OSBPL9: variants seen among roughly 807,000 people sequenced by gnomAD.
The protein encoded by OSBPL9 is oxysterol binding protein like 9.
In OSBPL9, 40 loss-of-function variants were observed where a neutral mutation model predicts 106.6. The ratio of observed to expected loss-of-function variants is 0.38; its 90% CI spans 0.29 to 0.49. OSBPL9 has a LOEUF of 0.49. Ranked by LOEUF, OSBPL9 falls within the 20% of genes least tolerant of loss-of-function variation. The pLI is 0.97. For synonymous variants in OSBPL9, 269 were observed against 295.4 expected (o/e 0.91, Z 0.92); for missense variants, 609 against 887.2 (o/e 0.69, Z 3.98).
the OSBPL9 span, among the ~76,000 whole-genome samples, chr1:51,558,165 A>C: frequency 3.9e-5 from 6 of 152,072 alleles, no homozygotes; most frequent in East Asian, 1.2e-3. Flanking sequence ...CTGTAGTCCC[A>C]ACTACTTGGG....
chr1:51,777,945 G>T (rs541180020), intron 15 of OSBPL9, among the ~76,000 whole-genome samples: 1 of 152,172 alleles, frequency 6.6e-6, no homozygotes, highest in East Asian at 1.9e-4. Context: ...TTGAAGCCAG[G>T]AGTTTGAGAC....
At chr1:51,774,166 C>T (rs889339869) in intron 14 of OSBPL9, among the ~76,000 whole-genome samples, 4 of 152,098 alleles carry the variant, frequency 2.6e-5, no homozygotes, top group Non-Finnish European at 5.9e-5. Flanking sequence ...CACAGCTGAA[C>T]CTGAACTGAA....
chr1:51,557,232 G>A, the OSBPL9 span, among the ~76,000 whole-genome samples: 1 of 152,176 alleles, frequency 6.6e-6, no homozygotes, highest in African/African-American at 2.4e-5. Flanking sequence ...TTGCCTCCAA[G>A]AGAAAGACAA....
intron 3 of OSBPL9, among the ~76,000 whole-genome samples, chr1:51,684,773 A>G (rs1439868123): frequency 1.3e-5 from 2 of 152,188 alleles, no homozygotes; most frequent in Non-Finnish European, 2.9e-5. Context: ...ACCTCAAATG[A>G]TCTGCCCACC....
At chr1:51,711,520 C>T (rs1280358574) in intron 3 of OSBPL9, among the ~76,000 whole-genome samples, 1 of 134,738 alleles carries the variant, frequency 7.4e-6, no homozygotes, top group Non-Finnish European at 1.6e-5. Context: ...GGCTGACCCC[C>T]CACCTCCCTC....
chr1:51,519,220 C>A, the OSBPL9 span: 4 of 1,391,352 alleles, frequency 2.9e-6, no homozygotes, highest in South Asian at 1.7e-5. Context: ...AGAGCTGGGC[C>A]GCCGCAGCCA....
At chr1:51,619,563 A>C (rs774990536) in intron 1 of OSBPL9, among the ~76,000 whole-genome samples, 30 of 152,034 alleles carry the variant, frequency 2.0e-4, no homozygotes, top group Non-Finnish European at 3.5e-4. Flanking sequence ...GCTGTTTAGA[A>C]GATTTTTTTT....
intron 4 of OSBPL9, among the ~76,000 whole-genome samples, chr1:51,714,301 G>A (rs970829307): frequency 1.3e-5 from 2 of 152,150 alleles, no homozygotes; most frequent in Non-Finnish European, 2.9e-5. Flanking sequence ...AAACAAGACA[G>A]TGCAAGACAA....
At position 51,787,789 on chromosome 1, in the gene OSBPL9, G is replaced by T. The variant is rs1678076689; in HGVS notation, c.2211G>T (p.Ter737TyrextTer9). Reference sequence around the variant, plus strand: ...AACGTCTTGGTGCTGCCAAGCATTAGGTTGGAAGATGCAAAGTTTATACCT... The same window carrying T: ...AACGTCTTGGTGCTGCCAAGCATTATGTTGGAAGATGCAAAGTTTATACCT... ...LLKRLGAAKH* is the reference protein window; with the variant it reads ...LLKRLGAAKHY Residue 737 changes from the stop codon to tyrosine (Y), a stop_lost, in exon 24 of 24, where the codon TAG (stop) becomes TAT (tyrosine). Transcript: ENST00000428468. 6.2e-7 allele frequency: 1 copy of T among 1,611,162 alleles called. No individual in the cohort carries two copies. The highest frequency in any genetic ancestry group is 1.1e-5 in the South Asian group (1 of 90,986).
Position 51,669,520 on chromosome 1 carries a change from G to C in OSBPL9, c.241+8G>C. Reference sequence around the variant, plus strand: ...AAACCTTCCATTTCCAGGGTGAGCTGAAAGAAGAGATTCTTTCTCTTCATA... The same window carrying C: ...AAACCTTCCATTTCCAGGGTGAGCTCAAAGAAGAGATTCTTTCTCTTCATA... On this transcript the variant is annotated splice_region_variant and intron_variant, in intron 3 of 23. Transcript: ENST00000428468. 1 of 1,613,030 alleles carries C rather than the reference G, an allele frequency of 6.2e-7. No homozygotes were observed.
chr1:51,611,628 G>T (rs1643988520), intron 2 of OSBPL9, among the ~76,000 whole-genome samples: 1 of 152,286 alleles, frequency 6.6e-6, no homozygotes, highest in Non-Finnish European at 1.5e-5. Context: ...CTGTGTAAAG[G>T]AAGGAAACTT....
chr1:51,772,015 C>G, intron 12 of OSBPL9, 55 bp from the exon 13 acceptor site: 2 of 1,340,784 alleles, frequency 1.5e-6, no homozygotes, highest in Non-Finnish European at 2.1e-6. Context: ...GTCTAGCTTA[C>G]TATGATTCTA....
At chr1:51,719,738 A>G (rs1661719539) in intron 4 of OSBPL9, among the ~76,000 whole-genome samples, 2 of 152,222 alleles carry the variant, frequency 1.3e-5, no homozygotes, top group African/African-American at 4.8e-5. Flanking sequence ...GTGGGCAAAC[A>G]TAAAGCCAGG....
chr1:51,772,374 G>A (rs567671604), intron 13 of OSBPL9, among the ~76,000 whole-genome samples, 192 bp downstream of exon 13: 1 of 152,258 alleles, frequency 6.6e-6, no homozygotes, highest in African/African-American at 2.4e-5. Flanking sequence ...AATTAGCTGG[G>A]CATGGTGGTG....
chr1:51,528,459 G>C, the OSBPL9 span, among the ~76,000 whole-genome samples: 1 of 151,966 alleles, frequency 6.6e-6, no homozygotes, highest in Admixed American at 6.6e-5. Flanking sequence ...CAGGAGAATT[G>C]CTTGAGCCCA....
intron 2 of OSBPL9, among the ~76,000 whole-genome samples, chr1:51,663,774 T>C (rs889506972): frequency 1.3e-5 from 2 of 152,220 alleles, no homozygotes; most frequent in East Asian, 1.9e-4. Context: ...ACCCATGATA[T>C]AGAAAGAACT....
At chr1:51,564,632 C>G in the OSBPL9 span, among the ~76,000 whole-genome samples, 1 of 152,218 alleles carries the variant, frequency 6.6e-6, no homozygotes, top group Non-Finnish European at 1.5e-5. Context: ...GGCTTCTATG[C>G]CAGCCCACCA....
chr1:51,540,111 G>A, the OSBPL9 span, among the ~76,000 whole-genome samples: 1 of 151,888 alleles, frequency 6.6e-6, no homozygotes, highest in Non-Finnish European at 1.5e-5. Context: ...GTCAAATATT[G>A]TTTTCTCTGA....
chr1:51,585,297 T>C (rs1645241329), intron 1 of OSBPL9, among the ~76,000 whole-genome samples: 1 of 152,054 alleles, frequency 6.6e-6, no homozygotes, highest in Non-Finnish European at 1.5e-5. Flanking sequence ...GCTTTACCAC[T>C]CAGCAGCTAT....
Sources: allele counts gnomAD v4.1 joint callset (sites outside exome capture counted in the v4.1 genomes callset), GRCh38; gene constraint gnomAD v4.1.1; transcripts MANE v1.5; gene names NCBI Gene and HGNC (gene_info 2026-07-23, HGNC 2026-07-21).